LSAMP: variants seen among roughly 807,000 people sequenced by gnomAD.
The protein encoded by LSAMP is limbic system associated membrane protein, also known as limbic system-associated membrane protein.
In LSAMP, 7 loss-of-function variants were observed where a neutral mutation model predicts 38.6. That is an observed-to-expected ratio of 0.18 (90% CI 0.10 to 0.34). LSAMP has a LOEUF of 0.34. Among genes scored for constraint, LSAMP ranks in the 10% least tolerant of loss-of-function variants. LSAMP has a pLI of 1.00. For synonymous variants in LSAMP, 154 were observed against 166.8 expected, an observed-to-expected ratio of 0.92 and a Z score of 0.59; for missense variants, 313 against 420.0, an observed-to-expected ratio of 0.75 and a Z score of 2.23.
At chr3:115,919,013 A>G (rs72955572) in intron 3 of LSAMP, among the ~76,000 whole-genome samples, 4,727 of 152,214 alleles carry the variant, frequency 0.031, 243 homozygotes, top group African/African-American at 0.11. Context: ...TATCTACAAT[A>G]TCTCTTGGGA....
chr3:116,287,092 T>C (rs1417134099), intron 1 of LSAMP, among the ~76,000 whole-genome samples: 2 of 152,178 alleles, frequency 1.3e-5, no homozygotes, highest in African/African-American at 2.4e-5. Flanking sequence ...TAGCGCTTTC[T>C]TGGAAGGTTT....
chr3:116,348,477 A>C (rs1277285007), intron 1 of LSAMP, among the ~76,000 whole-genome samples: 3 of 152,112 alleles, frequency 2.0e-5, no homozygotes, highest in Admixed American at 6.6e-5. Flanking sequence ...TATGAGAAGG[A>C]AGGGGAAGCG....
chr3:116,101,267 G>A (rs767480177), intron 1 of LSAMP, among the ~76,000 whole-genome samples: 5 of 152,134 alleles, frequency 3.3e-5, no homozygotes, highest in Non-Finnish European at 5.9e-5. Flanking sequence ...GACAAGAAGT[G>A]TTTTTCTAAT....
At chr3:116,367,622 A>T (rs1485597183) in intron 1 of LSAMP, among the ~76,000 whole-genome samples, 2 of 150,814 alleles carry the variant, frequency 1.3e-5, no homozygotes, top group Non-Finnish European at 2.9e-5. Flanking sequence ...CTCCTGCCTC[A>T]GGCTCCCGAG....
At chr3:116,340,638 A>G (rs2047980208) in intron 1 of LSAMP, among the ~76,000 whole-genome samples, 1 of 152,068 alleles carries the variant, frequency 6.6e-6, no homozygotes, top group South Asian at 2.1e-4. Context: ...TATTTATGTT[A>G]GAAAAAAACT....
intron 3 of LSAMP, among the ~76,000 whole-genome samples, chr3:115,966,499 T>C (rs937440260): frequency 1.3e-5 from 2 of 152,190 alleles, no homozygotes; most frequent in African/African-American, 4.8e-5. Flanking sequence ...AGTGTGCAAA[T>C]TCTGTAGTCC....
At chr3:116,154,943 G>A (rs981832212) in intron 1 of LSAMP, among the ~76,000 whole-genome samples, 8 of 152,030 alleles carry the variant, frequency 5.3e-5, no homozygotes, top group African/African-American at 1.9e-4. Context: ...CATATTTGGA[G>A]TATATTGTAT....
At chr3:115,824,852 T>C (rs551524464) in intron 6 of LSAMP, among the ~76,000 whole-genome samples, 99 of 152,304 alleles carry the variant, frequency 6.5e-4, no homozygotes, top group African/African-American at 2.2e-3. Context: ...CTAAAGCCTT[T>C]TGTACTTTCA....
intron 1 of LSAMP, among the ~76,000 whole-genome samples, chr3:116,330,575 CT>C (rs981208882): frequency 5.9e-5 from 9 of 151,744 alleles, no homozygotes; most frequent in Non-Finnish European, 1.0e-4. Flanking sequence ...TTTTATTTTT[CT>C]TTTTTTCTCC....
At chr3:116,246,046 T>G in intron 1 of LSAMP, among the ~76,000 whole-genome samples, 1 of 152,150 alleles carries the variant, frequency 6.6e-6, no homozygotes, top group East Asian at 1.9e-4. Flanking sequence ...CAGTCCAAAC[T>G]CTTTACTTCC....
chr3:115,968,049 T>C (rs188699189), intron 3 of LSAMP, among the ~76,000 whole-genome samples: 7 of 152,062 alleles, frequency 4.6e-5, no homozygotes, highest in African/African-American at 1.7e-4. Flanking sequence ...TTCAGTCAAC[T>C]TGTGGTGAAT....
At chr3:115,901,518 T>A (rs751034011) in intron 3 of LSAMP, among the ~76,000 whole-genome samples, 4 of 152,146 alleles carry the variant, frequency 2.6e-5, no homozygotes, top group African/African-American at 4.8e-5. Flanking sequence ...AACCCAACTT[T>A]TTGTTCTACT....
intron 1 of LSAMP, among the ~76,000 whole-genome samples, chr3:116,116,416 G>C (rs1381095007): frequency 1.3e-5 from 2 of 151,518 alleles, no homozygotes; most frequent in Non-Finnish European, 2.9e-5. Context: ...AGTAACAAAG[G>C]CTGGGCACAG....
intron 1 of LSAMP, among the ~76,000 whole-genome samples, chr3:116,315,942 G>A (rs2047622588): frequency 1.3e-5 from 2 of 152,080 alleles, no homozygotes; most frequent in East Asian, 1.9e-4. Context: ...GGCATTCAGA[G>A]GGAAAAAAAG....
chr3:116,191,420 C>T (rs1296578767), intron 1 of LSAMP, among the ~76,000 whole-genome samples: 1 of 151,964 alleles, frequency 6.6e-6, no homozygotes. Context: ...TTAGGAAGCC[C>T]GTGAATGCCA....
At chr3:116,265,544 G>A (rs2046880160) in intron 1 of LSAMP, among the ~76,000 whole-genome samples, 1 of 152,148 alleles carries the variant, frequency 6.6e-6, no homozygotes, top group Admixed American at 6.6e-5. Context: ...CTGGCCATAA[G>A]AATCTAAATA....
rs1053451036 is a variant in LSAMP at position 115,802,840 on chromosome 3, G to C, written c.*7477C>G. 6.6e-6 allele frequency: 1 copy of C among 152,028 alleles called. No homozygotes were observed. The highest frequency in any genetic ancestry group is 2.4e-5 in the African/African-American group (1 of 41,390). 9.4% of individuals were successfully genotyped at this position (152,028 alleles called of 1,614,324 possible). A position where few individuals can be genotyped will look rare whatever the true frequency, so the allele number is the denominator to read the frequency against. On this transcript the variant is annotated 3_prime_UTR_variant, in exon 7 of 7. Coordinates refer to ENST00000490035, the MANE Select transcript of LSAMP (RefSeq NM_002338.5). Reference sequence around the variant, plus strand: ...TGGGGAGCATTGGGAGATGGGGGAGGGAGTTGGAAGTGTTCTCTTTTGCTT... The same window carrying C: ...TGGGGAGCATTGGGAGATGGGGGAGCGAGTTGGAAGTGTTCTCTTTTGCTT...
intron 6 of LSAMP, among the ~76,000 whole-genome samples, chr3:115,819,233 C>T (rs563444478): frequency 1.1e-4 from 16 of 152,008 alleles, no homozygotes; most frequent in African/African-American, 3.6e-4. Flanking sequence ...ATCACGAAGT[C>T]AGGAGTTCGA....
intron 1 of LSAMP, among the ~76,000 whole-genome samples, chr3:116,269,271 G>T (rs1312250913): frequency 6.6e-6 from 1 of 151,794 alleles, no homozygotes; most frequent in Non-Finnish European, 1.5e-5. Context: ...ATGTCTGCAA[G>T]CCTGTTTCCT....
Sources: allele counts gnomAD v4.1 joint callset (sites outside exome capture counted in the v4.1 genomes callset), GRCh38; gene constraint gnomAD v4.1.1; transcripts MANE v1.5; gene names NCBI Gene and HGNC (gene_info 2026-07-23, HGNC 2026-07-21).